The following KCNU1 variants were observed in gnomAD, a reference collection of about 807,000 sequenced individuals.
The protein encoded by KCNU1 is potassium channel subfamily U member 1.
In KCNU1, 93 loss-of-function variants were observed where a neutral mutation model predicts 126.8. The ratio of observed to expected loss-of-function variants is 0.73; its 90% CI spans 0.62 to 0.87. KCNU1 has a LOEUF of 0.87. KCNU1 is among the 40% of genes least tolerant of loss of function. The pLI is 0.00. For missense variants in KCNU1, 1,330 were observed against 1,367.1 expected (o/e 0.97, Z 0.43); for synonymous variants, 523 against 494.2 (o/e 1.06, Z -0.77).
chr8:36,796,706 A>G (rs1392869076), intron 2 of KCNU1, among the ~76,000 whole-genome samples: 4 of 152,178 alleles, frequency 2.6e-5, no homozygotes, highest in Non-Finnish European at 5.9e-5. Context: ...TTTTCATTGT[A>G]TTCCTACTGG....
intron 10 of KCNU1, among the ~76,000 whole-genome samples, chr8:36,828,186 CTTT>C (rs1267694418): frequency 2.0e-5 from 3 of 151,944 alleles, no homozygotes; most frequent in East Asian, 3.9e-4. Context: ...TAGTTTTCTT[CTTT>C]GAGTGTTAGA....
At chr8:36,790,820 A>C (rs750936918) in intron 2 of KCNU1, among the ~76,000 whole-genome samples, 1 of 152,128 alleles carries the variant, frequency 6.6e-6, no homozygotes, top group South Asian at 2.1e-4. Context: ...TGGAAAAGAA[A>C]GCATTACATT....
chr8:36,915,940 G>A (rs891814352), intron 22 of KCNU1, among the ~76,000 whole-genome samples: 1 of 151,518 alleles, frequency 6.6e-6, no homozygotes, highest in Non-Finnish European at 1.5e-5. Context: ...AGAAAGGGAG[G>A]GAGGAGGAAA....
intron 19 of KCNU1, among the ~76,000 whole-genome samples, chr8:36,898,317 T>G (rs1807277639): frequency 6.6e-6 from 1 of 152,060 alleles, no homozygotes; most frequent in Non-Finnish European, 1.5e-5. Context: ...CATAAACACG[T>G]GCACCTCACA....
chr8:36,860,140 C>T (rs957347297), intron 18 of KCNU1, among the ~76,000 whole-genome samples: 7 of 152,026 alleles, frequency 4.6e-5, no homozygotes, highest in African/African-American at 7.3e-5. Flanking sequence ...TGCAGTGGTG[C>T]GATCTCAGCT....
chr8:36,799,338 G>A (rs1803218540), intron 2 of KCNU1, among the ~76,000 whole-genome samples: 1 of 151,590 alleles, frequency 6.6e-6, no homozygotes, highest in South Asian at 2.1e-4. Context: ...CTGTGTGTGT[G>A]TCTTCTTTCA....
chr8:36,920,732 G>A (rs188449718), intron 23 of KCNU1, among the ~76,000 whole-genome samples: 5 of 152,188 alleles, frequency 3.3e-5, no homozygotes, highest in East Asian at 1.9e-4. Flanking sequence ...GTGCGTGCGC[G>A]CACGTGCGCA....
chr8:36,810,136 C>T (rs887649316), intron 7 of KCNU1, among the ~76,000 whole-genome samples: 2 of 152,002 alleles, frequency 1.3e-5, no homozygotes, highest in Non-Finnish European at 2.9e-5. Flanking sequence ...TCTGTAGTTC[C>T]AGCTACTTGG....
intron 20 of KCNU1, among the ~76,000 whole-genome samples, chr8:36,908,404 G>C (rs1055739813): frequency 1.3e-5 from 2 of 151,948 alleles, no homozygotes; most frequent in Non-Finnish European, 2.9e-5. Flanking sequence ...TAAGTTCTAT[G>C]GTACATGTGC....
intron 22 of KCNU1, 69 bp from the exon 23 acceptor site, chr8:36,918,754 T>A (rs954173365): frequency 1.5e-5 from 14 of 923,896 alleles, no homozygotes; most frequent in Non-Finnish European, 2.3e-5. Flanking sequence ...TACATTATAT[T>A]CTTCTACATT....
chr8:36,870,377 C>T (rs1215046751), intron 19 of KCNU1, among the ~76,000 whole-genome samples: 2 of 152,118 alleles, frequency 1.3e-5, no homozygotes, highest in Admixed American at 1.3e-4. Context: ...ATTTTCATGC[C>T]CCCTCTGCCA....
chr8:36,896,767 T>C (rs1807208100), intron 19 of KCNU1, among the ~76,000 whole-genome samples: 1 of 152,092 alleles, frequency 6.6e-6, no homozygotes. Flanking sequence ...GGGAATCTAT[T>C]TCAATGGAGC....
At chr8:36,883,585 A>G (rs1806575229) in intron 19 of KCNU1, among the ~76,000 whole-genome samples, 1 of 152,012 alleles carries the variant, frequency 6.6e-6, no homozygotes, top group Admixed American at 6.6e-5. Context: ...GGAGTTCAAG[A>G]CCAGCCTGGG....
chr8:36,880,485 G>A (rs551416440), intron 19 of KCNU1, among the ~76,000 whole-genome samples: 8 of 152,160 alleles, frequency 5.3e-5, no homozygotes, highest in East Asian at 1.9e-4. Context: ...ATGGGGTGTC[G>A]AACACAGGCT....
intron 19 of KCNU1, among the ~76,000 whole-genome samples, chr8:36,890,732 A>C (rs1769012431): frequency 6.6e-6 from 1 of 151,988 alleles, no homozygotes; most frequent in Admixed American, 6.6e-5. Context: ...ACAAGATTCA[A>C]CATGTGCTAT....
At chr8:36,846,450 A>T (rs537328905) in intron 18 of KCNU1, among the ~76,000 whole-genome samples, 1 of 152,236 alleles carries the variant, frequency 6.6e-6, no homozygotes, top group South Asian at 2.1e-4. Flanking sequence ...TTTCCACTTA[A>T]TGGCAGAAAA....
chr8:36,863,177 T>A (rs1401069593), intron 18 of KCNU1, among the ~76,000 whole-genome samples: 3 of 152,150 alleles, frequency 2.0e-5, no homozygotes, highest in South Asian at 4.1e-4. Context: ...TTTTATGGAT[T>A]AGAATGGTTC....
intron 10 of KCNU1, among the ~76,000 whole-genome samples, chr8:36,830,070 T>C (rs973244773): frequency 6.7e-6 from 1 of 149,566 alleles, no homozygotes; most frequent in Non-Finnish European, 1.5e-5. Flanking sequence ...ATTAAAACAA[T>C]TTATCTTTAT....
At chr8:36,793,863 G>A (rs752967206) in intron 2 of KCNU1, among the ~76,000 whole-genome samples, 3 of 151,990 alleles carry the variant, frequency 2.0e-5, no homozygotes, top group Non-Finnish European at 2.9e-5. Context: ...AGACAAGCCT[G>A]ACCAACATGG....
Sources: gnomAD v4.1 joint callset for allele counts (sites outside exome capture counted in the v4.1 genomes callset) on GRCh38, gnomAD v4.1.1 for gene constraint, MANE v1.5 for transcripts, NCBI Gene and HGNC (gene_info 2026-07-23, HGNC 2026-07-21) for gene names.